MAGI2: variants seen among roughly 807,000 people sequenced by gnomAD.
MAGI2 encodes membrane-associated guanylate kinase, WW and PDZ domain-containing protein 2.
MAGI2 carries 35 observed loss-of-function variants against 133.3 expected under a neutral mutation model. That is an observed-to-expected ratio of 0.26 (90% CI 0.20 to 0.35). The LOEUF is 0.35. Ranked by LOEUF, MAGI2 falls within the 10% of genes least tolerant of loss-of-function variation. The probability of loss-of-function intolerance (pLI) is 1.00; values close to 1 mark genes in which losing one functional copy is unlikely to be tolerated. For synonymous variants in MAGI2, 729 were observed against 710.6 expected (o/e 1.03, Z -0.41); for missense variants, 1,636 against 1,863.4 (o/e 0.88, Z 2.25).
intron 9 of MAGI2, among the ~76,000 whole-genome samples, chr7:78,332,697 CAAAAAAAAAAAAA>C (rs35777998): frequency 0.072 from 8,464 of 117,378 alleles, 437 homozygotes; most frequent in African/African-American, 0.16. Flanking sequence ...GACTCCGTCT[CAAAAAAAAAAAAA>C]AAAAAAAAGG....
At chr7:79,075,312 A>G (rs1408074463) in intron 1 of MAGI2, among the ~76,000 whole-genome samples, 1 of 152,170 alleles carries the variant, frequency 6.6e-6, no homozygotes, top group African/African-American at 2.4e-5. Flanking sequence ...AGGATGAAGG[A>G]ACTCTTACCT....
rs1583861434 is a variant in MAGI2 at position 78,092,190 on chromosome 7, C to T, written c.3568-13105G>A. ...TCTGAGGTCTACTATCTTTGTTTGGCCATAATAAAAATACAGTCTGTCTCT... is the reference window on the plus strand; with the variant it reads ...TCTGAGGTCTACTATCTTTGTTTGGTCATAATAAAAATACAGTCTGTCTCT... On this transcript the variant is annotated intron_variant, in intron 20 of 21. Transcript: ENST00000354212. 2.0e-5 allele frequency among the ~76,000 whole-genome samples: 3 copies of T among 152,206 alleles called. No individual in the cohort carries two copies. In the South Asian group the frequency reaches 6.2e-4, roughly 32 times the overall value.
chr7:79,072,015 T>A (rs1562859272), intron 1 of MAGI2, among the ~76,000 whole-genome samples: 1 of 152,034 alleles, frequency 6.6e-6, no homozygotes. Context: ...GCTAGTACAG[T>A]CTCTCATGGC....
At chr7:79,030,767 ATTATT>A (rs1810489497) in intron 1 of MAGI2, among the ~76,000 whole-genome samples, 5 of 152,200 alleles carry the variant, frequency 3.3e-5, no homozygotes, top group Non-Finnish European at 5.9e-5. Context: ...AAATCCCAGA[ATTATT>A]CTTGGGATTA....
At chr7:78,734,721 G>T (rs575874048) in intron 2 of MAGI2, among the ~76,000 whole-genome samples, 1 of 152,238 alleles carries the variant, frequency 6.6e-6, no homozygotes, top group East Asian at 1.9e-4. Context: ...GCCCAGACTA[G>T]ACTGTTGGTC....
intron 6 of MAGI2, among the ~76,000 whole-genome samples, chr7:78,463,270 G>T (rs966702946): frequency 2.6e-5 from 4 of 152,312 alleles, no homozygotes; most frequent in African/African-American, 9.6e-5. Flanking sequence ...CATTTGCTGA[G>T]CACTGCCGTG....
intron 2 of MAGI2, among the ~76,000 whole-genome samples, chr7:78,948,174 G>A (rs537767444): frequency 8.4e-4 from 128 of 152,110 alleles, no homozygotes; most frequent in Non-Finnish European, 1.4e-3. Context: ...ATACTGCCTT[G>A]AAAATTAAAT....
At chr7:78,290,743 A>G (rs1268756499) in intron 9 of MAGI2, among the ~76,000 whole-genome samples, 1 of 151,944 alleles carries the variant, frequency 6.6e-6, no homozygotes, top group Non-Finnish European at 1.5e-5. Context: ...ATTATAACAG[A>G]CTCTCAGACC....
At chr7:78,272,842 G>A (rs1327819774) in intron 9 of MAGI2, among the ~76,000 whole-genome samples, 4 of 152,006 alleles carry the variant, frequency 2.6e-5, no homozygotes, top group East Asian at 1.9e-4. Flanking sequence ...GTCTTTGCAC[G>A]TGAGATGGGT....
chr7:78,155,701 T>TA (rs1824320362), intron 16 of MAGI2, among the ~76,000 whole-genome samples: 1 of 152,192 alleles, frequency 6.6e-6, no homozygotes. Flanking sequence ...TCTAAGCTTC[T>TA]AAAACCTGTC....
chr7:78,561,939 C>T (rs1800451836), intron 3 of MAGI2, among the ~76,000 whole-genome samples: 1 of 152,092 alleles, frequency 6.6e-6, no homozygotes, highest in East Asian at 1.9e-4. Flanking sequence ...GGAGGAGAGG[C>T]CTGCTGTCTC....
At position 78,322,420 on chromosome 7, in the gene MAGI2, C is replaced by T. The variant is rs528738172; in HGVS notation, c.1408+21358G>A. 7.2e-5 allele frequency among the ~76,000 whole-genome samples: 11 copies of T among 152,318 alleles called. No individual in the cohort carries two copies. The East Asian group carries it at 2.1e-3, about 29-fold the overall frequency. On this transcript the variant is annotated intron_variant, in intron 9 of 21. Transcript: ENST00000354212. ...TGTGGCACATATACACCATGGAATA[C>T]TATGCAGCCATAAAAAAGGATATGT...
intron 18 of MAGI2, among the ~76,000 whole-genome samples, chr7:78,129,835 T>C (rs998730948): frequency 1.4e-5 from 2 of 147,596 alleles, no homozygotes; most frequent in African/African-American, 5.0e-5. Flanking sequence ...CTAAGGAGGC[T>C]GAGGCAGGAG....
rs527556421 is a variant in MAGI2 at position 78,316,124 on chromosome 7, A to G, written c.1408+27654T>C. ...TATGATACTTTGCTGTCTCTTTTAC[A>G]AAGTGTCCTTTTATCCCCTGCAGCT... is the stretch of plus-strand genomic sequence containing the variant. On this transcript the variant is annotated intron_variant, in intron 9 of 21. Coordinates refer to ENST00000354212, the MANE Select transcript of MAGI2 (RefSeq NM_012301.4). 7.2e-5 allele frequency among the ~76,000 whole-genome samples: 11 copies of G among 152,298 alleles called. No homozygotes were observed. The East Asian group carries it at 2.1e-3, about 29-fold the overall frequency.
At chr7:79,350,512 T>C (rs1003856082) in intron 1 of MAGI2, among the ~76,000 whole-genome samples, 18 of 152,288 alleles carry the variant, frequency 1.2e-4, no homozygotes, top group African/African-American at 4.3e-4. Context: ...AATTTTCTTA[T>C]AATTACAGTT....
chr7:79,081,782 CA>C (rs927893267), intron 1 of MAGI2, among the ~76,000 whole-genome samples: 4 of 152,018 alleles, frequency 2.6e-5, no homozygotes, highest in African/African-American at 9.7e-5. Flanking sequence ...TATGGGATGA[CA>C]CTGGTTTATG....
intron 5 of MAGI2, among the ~76,000 whole-genome samples, chr7:78,501,311 C>G (rs1377728189): frequency 1.3e-5 from 2 of 149,416 alleles, no homozygotes; most frequent in Non-Finnish European, 2.9e-5. Context: ...TCAATAATAA[C>G]ATCACATGGA....
chr7:79,290,337 C>G (rs1022008078), intron 1 of MAGI2, among the ~76,000 whole-genome samples: 4 of 111,588 alleles, frequency 3.6e-5, no homozygotes, highest in Non-Finnish European at 8.3e-5. Flanking sequence ...ATGATTAATA[C>G]AATTGTGGAT....
At chr7:78,631,418 C>A (rs1296640300) in intron 2 of MAGI2, among the ~76,000 whole-genome samples, 3 of 152,170 alleles carry the variant, frequency 2.0e-5, no homozygotes, top group South Asian at 2.1e-4. Context: ...GTGCCTGCCT[C>A]CTTCTTTCAG....
Sources: allele counts gnomAD v4.1 joint callset (sites outside exome capture counted in the v4.1 genomes callset), GRCh38; gene constraint gnomAD v4.1.1; transcripts MANE v1.5; gene names NCBI Gene and HGNC (gene_info 2026-07-23, HGNC 2026-07-21).